Variants in DLGAP2 observed in about 807,000 individuals in gnomAD.
DLGAP2 encodes the protein disks large-associated protein 2.
A neutral mutation model predicts 100.3 loss-of-function variants in DLGAP2; 26 were observed. That is an observed-to-expected ratio of 0.26 (90% CI 0.19 to 0.36). The LOEUF is 0.36. DLGAP2 is among the 10% of genes least tolerant of loss of function. The pLI, the probability that DLGAP2 is intolerant of heterozygous loss-of-function variation, is 1.00. For synonymous variants in DLGAP2, 886 were observed against 630.1 expected (o/e 1.41, Z -6.08); for missense variants, 1,858 against 1,453.2 (o/e 1.28, Z -4.53).
At chr8:1,387,579 G>A (rs1463065510) in intron 3 of DLGAP2, among the ~76,000 whole-genome samples, 3 of 152,194 alleles carry the variant, frequency 2.0e-5, no homozygotes, top group South Asian at 2.1e-4. Context: ...ACCACTGGAC[G>A]TGGCTAGAAT....
chr8:1,111,285 C>T (rs1335431706), intron 2 of DLGAP2, among the ~76,000 whole-genome samples: 3 of 152,306 alleles, frequency 2.0e-5, no homozygotes, highest in South Asian at 2.1e-4. Flanking sequence ...CCTCAGCTCC[C>T]GGAAGACCCA....
At chr8:1,615,048 C>T (rs1376899380) in intron 6 of DLGAP2, among the ~76,000 whole-genome samples, 1 of 152,234 alleles carries the variant, frequency 6.6e-6, no homozygotes, top group African/African-American at 2.4e-5. Flanking sequence ...CTGCAGTCTC[C>T]TTGGATGTGT....
intron 6 of DLGAP2, among the ~76,000 whole-genome samples, chr8:1,604,024 A>G (rs1364454608): frequency 6.6e-6 from 1 of 152,112 alleles, no homozygotes; most frequent in African/African-American, 2.4e-5. Flanking sequence ...CTGCGGCCAC[A>G]CATTTCCATT....
rs75732041 is a variant in DLGAP2, at chr8:1,532,258, G to A, written c.173-16368G>A. 2.2e-3 allele frequency among the ~76,000 whole-genome samples: 341 copies of A among 152,250 alleles called. 10 individuals are homozygous for A. In the East Asian group the frequency reaches 0.062, roughly 28 times the overall value. ...CATAACATGGGGGAGGTCCTGGAAC[G>A]CACTCTTTGTGGAAACCTCCTTCCC... On this transcript the variant is annotated intron_variant, in intron 4 of 14. Transcript: ENST00000637795.
chr8:1,269,009 G>A (rs1273851068), intron 3 of DLGAP2, among the ~76,000 whole-genome samples: 1 of 152,170 alleles, frequency 6.6e-6, no homozygotes, highest in African/African-American at 2.4e-5. Flanking sequence ...ATGAATCTTG[G>A]AGGGAGACCA....
At chr8:1,047,274 A>G (rs563108884) in intron 2 of DLGAP2, among the ~76,000 whole-genome samples, 8 of 152,306 alleles carry the variant, frequency 5.3e-5, no homozygotes, top group African/African-American at 1.7e-4. Flanking sequence ...TTCACTTAGC[A>G]AGGTTGTCAA....
chr8:962,770 A>G (rs940230843), intron 2 of DLGAP2, among the ~76,000 whole-genome samples: 4 of 152,188 alleles, frequency 2.6e-5, no homozygotes, highest in Admixed American at 2.6e-4. Flanking sequence ...TGGTCACGGC[A>G]GGGAGCATGG....
intron 4 of DLGAP2, among the ~76,000 whole-genome samples, chr8:1,513,279 T>G (rs1252004448): frequency 1.4e-5 from 2 of 142,726 alleles, no homozygotes; most frequent in Non-Finnish European, 3.1e-5. Flanking sequence ...CCAGGGAGGC[T>G]CGGTGGGATA....
intron 4 of DLGAP2, among the ~76,000 whole-genome samples, chr8:1,515,971 C>G (rs1316876402): frequency 6.6e-6 from 1 of 151,804 alleles, no homozygotes; most frequent in African/African-American, 2.4e-5. Flanking sequence ...GAGTGAATGA[C>G]TGGATGAGTG....
chr8:870,342 C>T (rs900340068), intron 1 of DLGAP2, among the ~76,000 whole-genome samples: 32 of 152,296 alleles, frequency 2.1e-4, no homozygotes, highest in African/African-American at 7.5e-4. Flanking sequence ...GACATCTTCA[C>T]TGAGAGGTAC....
At chr8:1,592,808 G>C (rs924463006) in intron 6 of DLGAP2, among the ~76,000 whole-genome samples, 6 of 152,080 alleles carry the variant, frequency 3.9e-5, no homozygotes, top group African/African-American at 1.4e-4. Context: ...TAATTGTCAG[G>C]CTCAGACTTC....
intron 2 of DLGAP2, among the ~76,000 whole-genome samples, chr8:1,249,654 A>T (rs139697127): frequency 3.9e-5 from 6 of 152,318 alleles, no homozygotes; most frequent in African/African-American, 1.4e-4. Context: ...CAAGCTGATT[A>T]TTCACACACA....
At chr8:885,290 C>G (rs1294328648) in intron 1 of DLGAP2, among the ~76,000 whole-genome samples, 1 of 152,128 alleles carries the variant, frequency 6.6e-6, no homozygotes, top group Non-Finnish European at 1.5e-5. Context: ...TTTGTGTTCT[C>G]TCATTTCCTT....
In DLGAP2 at chr8:794,080, G is replaced by A. The variant is rs149546007; in HGVS notation, c.18+56255G>A. The stretch of plus-strand genomic sequence containing the variant: ...GGATGAGCTGTTTGCCGGCCTGTGC[G>A]TAGGGAGTGTTTCTAGCTGCAGGAC... On this transcript the variant is annotated intron_variant, in intron 1 of 14. Coordinates refer to ENST00000637795, the MANE Select transcript of DLGAP2 (RefSeq NM_001346810.2). Among the ~76,000 whole-genome samples, 456 of 152,160 alleles carry A rather than the reference G, an allele frequency of 3.0e-3. 1 individual carries two copies. The highest frequency in any genetic ancestry group is 0.01 in the Middle Eastern group (3 of 292).
chr8:1,008,730 C>T (rs1267319228), intron 2 of DLGAP2, among the ~76,000 whole-genome samples: 5 of 152,310 alleles, frequency 3.3e-5, no homozygotes, highest in South Asian at 4.1e-4. Context: ...GGCCGGTTCC[C>T]CGCTCCCCCA....
intron 1 of DLGAP2, among the ~76,000 whole-genome samples, chr8:779,160 G>A: frequency 6.6e-6 from 1 of 152,244 alleles, no homozygotes; most frequent in Non-Finnish European, 1.5e-5. Flanking sequence ...CTGACGCCTT[G>A]CGCTTCCCGA....
chr8:1,343,711 G>GC (rs1801472561), intron 3 of DLGAP2, among the ~76,000 whole-genome samples: 1 of 60,836 alleles, frequency 1.6e-5, no homozygotes, highest in Non-Finnish European at 4.0e-5. Context: ...GGGGGGTCGT[G>GC]GGGGGTGTTA....
chr8:1,449,526 C>T (rs1335786623), intron 3 of DLGAP2, among the ~76,000 whole-genome samples: 1 of 152,200 alleles, frequency 6.6e-6, no homozygotes, highest in East Asian at 1.9e-4. Context: ...AGCCAAGCTG[C>T]TGGCTTCCAG....
In DLGAP2 at chr8:747,630, G is replaced by C. The variant is rs550736836; in HGVS notation, c.18+9805G>C. 6.9e-4 allele frequency among the ~76,000 whole-genome samples: 95 copies of C among 138,416 alleles called. 1 individual carries two copies. The highest frequency in any genetic ancestry group is 1.3e-3 in the Non-Finnish European group (84 of 63,628). 90.8% of individuals were successfully genotyped at this position (138,416 alleles called of 152,430 possible). On this transcript the variant is annotated intron_variant, in intron 1 of 14. Transcript: ENST00000637795. ...CAGGCTGTGTGGCAGGATTGGGTGC[G>C]GGGGCTCCAGGATGGGGCAGGGTGG...
Sources: allele counts gnomAD v4.1 joint callset (sites outside exome capture counted in the v4.1 genomes callset), GRCh38; gene constraint gnomAD v4.1.1; transcripts MANE v1.5; gene names NCBI Gene and HGNC (gene_info 2026-07-23, HGNC 2026-07-21).